Variants in SLC71A2 observed in about 807,000 individuals in gnomAD.
The protein encoded by SLC71A2 is solute carrier family 71 member 2.
At chr9:94,428,715 G>A in the SLC71A2 span, among the ~76,000 whole-genome samples, 2 of 149,250 alleles carry the variant, frequency 1.3e-5, no homozygotes, top group Non-Finnish European at 3.0e-5. Flanking sequence ...TTCACTCTTG[G>A]TATTCTATAT....
the SLC71A2 span, among the ~76,000 whole-genome samples, chr9:94,420,800 G>C: frequency 6.6e-6 from 1 of 152,088 alleles, no homozygotes; most frequent in Admixed American, 6.6e-5. Context: ...TTGGGAGGCT[G>C]AGAAAGGAGA....
chr9:94,438,838 G>GC, the SLC71A2 span, among the ~76,000 whole-genome samples: 2 of 152,230 alleles, frequency 1.3e-5, no homozygotes, highest in African/African-American at 4.8e-5. Flanking sequence ...CTGAGAATGG[G>GC]CTAACAATCC....
chr9:94,384,994 G>A, the SLC71A2 span, among the ~76,000 whole-genome samples: 5 of 151,776 alleles, frequency 3.3e-5, no homozygotes, highest in Middle Eastern at 3.2e-3. Flanking sequence ...TTGGGATAAC[G>A]CAGTGAGAAG....
At chr9:94,418,443 C>T in the SLC71A2 span, among the ~76,000 whole-genome samples, 2,845 of 152,124 alleles carry the variant, frequency 0.019, 74 homozygotes, top group African/African-American at 0.065. Context: ...GAGTGATTCA[C>T]ATACTTTGTT....
At chr9:94,421,958 G>A in the SLC71A2 span, among the ~76,000 whole-genome samples, 1 of 152,010 alleles carries the variant, frequency 6.6e-6, no homozygotes, top group Non-Finnish European at 1.5e-5. Context: ...CTGTTGCCCA[G>A]GCTGGAGTGC....
the SLC71A2 span, among the ~76,000 whole-genome samples, chr9:94,391,517 A>T: frequency 4.6e-5 from 7 of 151,672 alleles, no homozygotes; most frequent in Non-Finnish European, 1.0e-4. Context: ...CAGGAGGAGA[A>T]ATTAATTACT....
chr9:94,443,538 CACTTACTA>C, the SLC71A2 span, among the ~76,000 whole-genome samples: 3 of 151,734 alleles, frequency 2.0e-5, no homozygotes, highest in Admixed American at 2.0e-4. Context: ...AGTGAGTTAA[CACTTACTA>C]AGAGTTTGTT....
chr9:94,416,746 C>T, the SLC71A2 span, among the ~76,000 whole-genome samples: 1 of 151,610 alleles, frequency 6.6e-6, no homozygotes, highest in African/African-American at 2.4e-5. Context: ...CCCAGCTACT[C>T]AGGATTCTGA....
the SLC71A2 span, among the ~76,000 whole-genome samples, chr9:94,414,363 G>A: frequency 6.6e-6 from 1 of 152,148 alleles, no homozygotes; most frequent in African/African-American, 2.4e-5. Context: ...AGACATTATT[G>A]CACACTTTTC....
At chr9:94,393,511 TAAGAA>T in the SLC71A2 span, among the ~76,000 whole-genome samples, 1 of 81,450 alleles carries the variant, frequency 1.2e-5, no homozygotes, top group African/African-American at 4.2e-5. Context: ...TTGGGCTGTA[TAAGAA>T]AAGTAATGTA....
the SLC71A2 span, among the ~76,000 whole-genome samples, chr9:94,455,202 G>A: frequency 1.4e-4 from 16 of 111,394 alleles, no homozygotes; most frequent in Admixed American, 2.5e-4. Flanking sequence ...GGGTCTGGCT[G>A]TGTTGCCTAG....
chr9:94,421,324 A>G, the SLC71A2 span, among the ~76,000 whole-genome samples: 2 of 152,218 alleles, frequency 1.3e-5, no homozygotes, highest in African/African-American at 4.8e-5. Flanking sequence ...GTACACTTAT[A>G]TATCCAGTAC....
chr9:94,441,543 T>C, the SLC71A2 span, among the ~76,000 whole-genome samples: 1 of 152,228 alleles, frequency 6.6e-6, no homozygotes, highest in African/African-American at 2.4e-5. Context: ...ACATTGGGGA[T>C]TACAATTGAA....
chr9:94,440,926 G>T, the SLC71A2 span: 1 of 985,698 alleles, frequency 1.0e-6, no homozygotes, highest in Non-Finnish European at 1.6e-6. Context: ...TTTGGCTCAG[G>T]TAATGAAAGT....
the SLC71A2 span, among the ~76,000 whole-genome samples, chr9:94,425,895 G>A: frequency 6.6e-6 from 1 of 151,974 alleles, no homozygotes; most frequent in East Asian, 1.9e-4. Context: ...AGATGGAGTC[G>A]GTTAAGTTAG....
the SLC71A2 span, chr9:94,459,466 G>A: frequency 3.8e-5 from 60 of 1,598,738 alleles, no homozygotes; most frequent in Non-Finnish European, 3.0e-5. Flanking sequence ...CATGGAGGGA[G>A]CCACACCCCT....
At chr9:94,379,133 C>T in the SLC71A2 span, among the ~76,000 whole-genome samples, 19 of 144,082 alleles carry the variant, frequency 1.3e-4, no homozygotes, top group East Asian at 4.0e-3. Flanking sequence ...GTTGCCCAGG[C>T]TGGAGTGCAA....
At chr9:94,397,912 T>C in the SLC71A2 span, among the ~76,000 whole-genome samples, 1 of 152,216 alleles carries the variant, frequency 6.6e-6, no homozygotes, top group African/African-American at 2.4e-5. Context: ...ATTTCTCCAC[T>C]GTAAAGTTGC....
the SLC71A2 span, among the ~76,000 whole-genome samples, chr9:94,380,043 G>C: frequency 6.6e-6 from 1 of 152,156 alleles, no homozygotes; most frequent in Admixed American, 6.5e-5. Flanking sequence ...TGAGGCAGGC[G>C]GATCACGAGG....
Sources: gnomAD v4.1 joint callset for allele counts (sites outside exome capture counted in the v4.1 genomes callset) on GRCh38, gnomAD v4.1.1 for gene constraint, MANE v1.5 for transcripts, NCBI Gene and HGNC (gene_info 2026-07-23, HGNC 2026-07-21) for gene names.